ACVR1: variants seen among roughly 807,000 people sequenced by gnomAD.
ACVR1 encodes activin receptor type-1.
A neutral mutation model predicts 57.1 loss-of-function variants in ACVR1; 38 were observed. The ratio of observed to expected loss-of-function variants is 0.67; its 90% CI spans 0.51 to 0.87. The LOEUF is 0.87. ACVR1 is among the 40% of genes least tolerant of loss of function. The pLI, the probability that ACVR1 is intolerant of heterozygous loss-of-function variation, is 0.00. For synonymous variants in ACVR1, 212 were observed against 228.1 expected (o/e 0.93, Z 0.63); for missense variants, 463 against 638.2 (o/e 0.73, Z 2.96).
intron 1 of ACVR1, among the ~76,000 whole-genome samples, chr2:157,857,815 A>G (rs1689587403): frequency 6.6e-6 from 1 of 152,210 alleles, no homozygotes; most frequent in African/African-American, 2.4e-5. Context: ...TTTAGGGAAG[A>G]TGGAGAGAAA....
At chr2:157,783,764 C>T (rs996726544) in intron 3 of ACVR1, among the ~76,000 whole-genome samples, 2 of 152,204 alleles carry the variant, frequency 1.3e-5, no homozygotes, top group African/African-American at 4.8e-5. Context: ...CTTCTCTTTC[C>T]TATTCTGTTC....
chr2:157,789,434 A>C (rs1686829914), intron 3 of ACVR1, among the ~76,000 whole-genome samples: 1 of 152,200 alleles, frequency 6.6e-6, no homozygotes, highest in Non-Finnish European at 1.5e-5. Flanking sequence ...AGCAACAAAC[A>C]AGAGTTTCCG....
chr2:157,855,308 G>GTGTGTATATATA (rs1307480066), intron 1 of ACVR1, among the ~76,000 whole-genome samples: 58 of 51,638 alleles, frequency 1.1e-3, no homozygotes, highest in African/African-American at 3.3e-3. Context: ...GTGTGTGTGT[G>GTGTGTATATATA]TATATATATA....
chr2:157,815,993 C>T (rs879259123), intron 2 of ACVR1, among the ~76,000 whole-genome samples: 1 of 152,118 alleles, frequency 6.6e-6, no homozygotes, highest in Non-Finnish European at 1.5e-5. Flanking sequence ...TACAGTATAG[C>T]CATTTAAGGG....
chr2:157,869,359 G>C (rs577347755), intron 1 of ACVR1, among the ~76,000 whole-genome samples: 1 of 152,270 alleles, frequency 6.6e-6, no homozygotes, highest in South Asian at 2.1e-4. Flanking sequence ...GTCTCATCCA[G>C]ACTAGCAACT....
chr2:157,840,797 G>A (rs1688947871), intron 1 of ACVR1, among the ~76,000 whole-genome samples: 1 of 152,260 alleles, frequency 6.6e-6, no homozygotes, highest in African/African-American at 2.4e-5. Context: ...CCTGCAGGCT[G>A]TGAGCCGCCA....
chr2:157,737,158 C>G lies in ACVR1; in HGVS notation c.*373G>C, dbSNP rs1353376958. ...AATATTGCTGATTAAAAATTCACCA[C>G]CTCCTTGAGTTTCCCGTGGGGAGTG... is the stretch of plus-strand genomic sequence containing the variant. On this transcript the variant is annotated 3_prime_UTR_variant, in exon 11 of 11. Transcript: ENST00000434821. 2.3e-5 allele frequency: 8 copies of G among 346,694 alleles called. No homozygotes were observed. The highest frequency in any genetic ancestry group is 2.1e-4 in the Admixed American group (5 of 23,892). 21.5% of individuals were successfully genotyped at this position (346,694 alleles called of 1,614,324 possible).
At chr2:157,749,831 G>A (rs896836150) in intron 9 of ACVR1, among the ~76,000 whole-genome samples, 8 of 152,156 alleles carry the variant, frequency 5.3e-5, no homozygotes, top group Non-Finnish European at 1.0e-4. Context: ...ATTTCGAAGG[G>A]TCTAGGGATC....
At chr2:157,835,088 T>C (rs903545074) in intron 1 of ACVR1, among the ~76,000 whole-genome samples, 4 of 152,152 alleles carry the variant, frequency 2.6e-5, no homozygotes, top group South Asian at 4.1e-4. Flanking sequence ...ACAATCCATA[T>C]AGACTAAAAA....
At chr2:157,809,544 G>A (rs1166094471) in intron 2 of ACVR1, among the ~76,000 whole-genome samples, 2 of 152,098 alleles carry the variant, frequency 1.3e-5, no homozygotes, top group South Asian at 4.2e-4. Flanking sequence ...AGGAGGCAGG[G>A]AGAGGTTCTG....
chr2:157,790,580 TATTAG>T (rs541770234), intron 3 of ACVR1, among the ~76,000 whole-genome samples: 36 of 152,342 alleles, frequency 2.4e-4, no homozygotes, highest in African/African-American at 7.9e-4. Context: ...ATAGCATTAT[TATTAG>T]ATTATTGTTG....
intron 1 of ACVR1, among the ~76,000 whole-genome samples, chr2:157,848,826 T>C (rs1421234535): frequency 1.3e-5 from 2 of 152,160 alleles, no homozygotes; most frequent in Non-Finnish European, 2.9e-5. Context: ...AATTACATGA[T>C]TGGATTAGAA....
At chr2:157,866,172 T>C (rs1470118224) in intron 1 of ACVR1, among the ~76,000 whole-genome samples, 1 of 152,104 alleles carries the variant, frequency 6.6e-6, no homozygotes, top group African/African-American at 2.4e-5. Flanking sequence ...AAAACACCAA[T>C]TTGAATTAAA....
chr2:157,802,465 T>A (rs1383609303), intron 2 of ACVR1, among the ~76,000 whole-genome samples: 1 of 152,092 alleles, frequency 6.6e-6, no homozygotes, highest in African/African-American at 2.4e-5. Flanking sequence ...TACTCACCTA[T>A]CTTCATTGCC....
intron 8 of ACVR1, among the ~76,000 whole-genome samples, chr2:157,764,603 G>A (rs559035563): frequency 2.6e-5 from 4 of 152,192 alleles, no homozygotes; most frequent in East Asian, 1.9e-4. Flanking sequence ...AACCCCATCC[G>A]CCTTCGCCCT....
At position 157,737,044 on chromosome 2, in the gene ACVR1, T is replaced by C. The variant is rs1218620492; in HGVS notation, c.*487A>G. ...ACCAGTGGAGTACGCAGCCAACATT[T>C]TGGCAAGTTGGGTCTTTAAAATTAA... On this transcript the variant is annotated 3_prime_UTR_variant, in exon 11 of 11. Transcript: ENST00000434821. 3.5e-6 allele frequency: 1 copy of C among 285,932 alleles called. No individual in the cohort carries two copies. The highest frequency in any genetic ancestry group is 2.1e-5 in the African/African-American group (1 of 47,414). The allele number at this position is 285,932 out of a possible 1,614,324, so 17.7% of individuals were successfully genotyped here. A position where few individuals can be genotyped will look rare whatever the true frequency, so the allele number is the denominator to read the frequency against.
At chr2:157,747,041 A>T (rs946323149) in intron 9 of ACVR1, among the ~76,000 whole-genome samples, 25 of 152,352 alleles carry the variant, frequency 1.6e-4, no homozygotes, top group Admixed American at 5.2e-4. Flanking sequence ...TTACTCCAAG[A>T]GATCTATCTG....
intron 1 of ACVR1, among the ~76,000 whole-genome samples, chr2:157,851,501 T>C (rs1385972163): frequency 1.3e-5 from 2 of 152,058 alleles, no homozygotes; most frequent in East Asian, 1.9e-4. Flanking sequence ...GTGGAAGCTA[T>C]GGAGACATTC....
At position 157,821,533 on chromosome 2, in the gene ACVR1, T is replaced by A. The variant is rs528015414; in HGVS notation, c.-182-2974A>T. ...AGAGGGAGAATTTGTCTAAAAAAAA[T>A]AAAAAATAAAAAAATAAAATAAAAA... On this transcript the variant is annotated intron_variant, in intron 1 of 10. Coordinates refer to ENST00000434821, the MANE Select transcript of ACVR1 (RefSeq NM_001111067.4). 4.0e-5 allele frequency among the ~76,000 whole-genome samples: 6 copies of A among 151,416 alleles called. No homozygotes were observed. In the East Asian group the frequency reaches 7.8e-4, roughly 20 times the overall value.
Sources: gnomAD v4.1 joint callset for allele counts (sites outside exome capture counted in the v4.1 genomes callset) on GRCh38, gnomAD v4.1.1 for gene constraint, MANE v1.5 for transcripts, NCBI Gene and HGNC (gene_info 2026-07-23, HGNC 2026-07-21) for gene names.